The following ARHGAP42 variants were observed in gnomAD, a reference collection of about 807,000 sequenced individuals.
ARHGAP42 encodes the protein Rho GTPase activating protein 42.
Under a neutral mutation model 125.0 loss-of-function variants are expected in ARHGAP42, and 63 were observed. That is an observed-to-expected ratio of 0.50 (90% confidence interval 0.41 to 0.62). ARHGAP42 has a LOEUF of 0.62. ARHGAP42 is among the 20% of genes least tolerant of loss of function. The pLI is 0.00. For synonymous variants in ARHGAP42, 339 were observed against 351.0 expected (o/e 0.97, Z 0.38); for missense variants, 766 against 1,024.2 (o/e 0.75, Z 3.44).
chr11:100,742,071 C>T (rs889018422), intron 1 of ARHGAP42, among the ~76,000 whole-genome samples: 24 of 152,196 alleles, frequency 1.6e-4, no homozygotes, highest in Admixed American at 7.2e-4. Context: ...AAACTAGTTT[C>T]TACTCATGTT....
chr11:100,898,088 A>G (rs377174574), intron 4 of ARHGAP42, among the ~76,000 whole-genome samples: 3 of 152,170 alleles, frequency 2.0e-5, no homozygotes, highest in African/African-American at 4.8e-5. Flanking sequence ...TTCTGCATCT[A>G]TGGAGATAAT....
At chr11:100,904,350 G>A (rs1289090738) in intron 4 of ARHGAP42, among the ~76,000 whole-genome samples, 4 of 151,220 alleles carry the variant, frequency 2.6e-5, no homozygotes, top group East Asian at 3.9e-4. Flanking sequence ...AGATTCAAGC[G>A]ATTCTCCTGT....
chr11:100,901,017 C>G (rs1866530984), intron 4 of ARHGAP42, among the ~76,000 whole-genome samples: 1 of 152,172 alleles, frequency 6.6e-6, no homozygotes, highest in African/African-American at 2.4e-5. Flanking sequence ...TTTTCCCCAT[C>G]TCTGTGGTTT....
At chr11:100,707,259 A>G (rs1190764080) in intron 1 of ARHGAP42, among the ~76,000 whole-genome samples, 1 of 152,176 alleles carries the variant, frequency 6.6e-6, no homozygotes, top group Non-Finnish European at 1.5e-5. Flanking sequence ...TCTCTTGGGT[A>G]TATACCTAGG....
chr11:100,791,322 G>T (rs1395655802), intron 2 of ARHGAP42, among the ~76,000 whole-genome samples: 1 of 152,150 alleles, frequency 6.6e-6, no homozygotes, highest in Admixed American at 6.6e-5. Flanking sequence ...CTCTTAAAAT[G>T]CAATTTACAT....
intron 4 of ARHGAP42, among the ~76,000 whole-genome samples, chr11:100,892,520 T>G (rs187454082): frequency 6.6e-6 from 1 of 152,272 alleles, no homozygotes; most frequent in African/African-American, 2.4e-5. Context: ...GGGTTAGGTC[T>G]GTGTTTAGAG....
At chr11:100,698,445 TGGGCCACA>T in intron 1 of ARHGAP42, among the ~76,000 whole-genome samples, 1 of 152,292 alleles carries the variant, frequency 6.6e-6, no homozygotes, top group South Asian at 2.1e-4. Context: ...TACTCCAGCC[TGGGCCACA>T]GAGCGAGACC....
At chr11:100,882,252 G>A (rs185669221) in intron 4 of ARHGAP42, among the ~76,000 whole-genome samples, 3 of 152,236 alleles carry the variant, frequency 2.0e-5, no homozygotes, top group East Asian at 3.9e-4. Flanking sequence ...CTTTTATTAC[G>A]TTGAGCTATG....
intron 1 of ARHGAP42, among the ~76,000 whole-genome samples, chr11:100,691,411 A>G (rs1656911471): frequency 6.6e-6 from 1 of 152,170 alleles, no homozygotes; most frequent in Admixed American, 6.5e-5. Flanking sequence ...TCAAAGAGTC[A>G]TCTTTAAGTA....
intron 10 of ARHGAP42, among the ~76,000 whole-genome samples, chr11:100,944,643 G>A (rs2135276503): frequency 6.6e-6 from 1 of 151,820 alleles, no homozygotes; most frequent in Admixed American, 6.6e-5. Context: ...AATAAACTGA[G>A]TCACAGAAAT....
At chr11:100,818,679 G>T (rs895916524) in intron 3 of ARHGAP42, among the ~76,000 whole-genome samples, 4 of 152,046 alleles carry the variant, frequency 2.6e-5, no homozygotes, top group African/African-American at 9.7e-5. Context: ...ATCAGAGCTT[G>T]TTTGTAAACA....
chr11:100,872,737 TCTC>T (rs1591257048), intron 4 of ARHGAP42, among the ~76,000 whole-genome samples: 1 of 152,140 alleles, frequency 6.6e-6, no homozygotes, highest in Admixed American at 6.5e-5. Flanking sequence ...TCTACCTCAT[TCTC>T]CTTTCCCAGT....
intron 8 of ARHGAP42, among the ~76,000 whole-genome samples, chr11:100,939,088 G>C (rs1211037690): frequency 6.6e-6 from 1 of 152,158 alleles, no homozygotes; most frequent in Non-Finnish European, 1.5e-5. Context: ...CTCTACCTGA[G>C]CATGTGGTGT....
At chr11:100,728,668 G>A (rs1226640555) in intron 1 of ARHGAP42, among the ~76,000 whole-genome samples, 9 of 140,382 alleles carry the variant, frequency 6.4e-5, no homozygotes, top group Non-Finnish European at 1.4e-4. Flanking sequence ...GTTCACGATG[G>A]ATCTAAATAA....
At chr11:100,893,064 A>G (rs1866259968) in intron 4 of ARHGAP42, among the ~76,000 whole-genome samples, 1 of 152,034 alleles carries the variant, frequency 6.6e-6, no homozygotes, top group African/African-American at 2.4e-5. Context: ...ATTCATCAGA[A>G]TGTCAGAAGT....
chr11:100,946,398 G>T (rs1868018585), intron 10 of ARHGAP42, among the ~76,000 whole-genome samples: 1 of 151,994 alleles, frequency 6.6e-6, no homozygotes, highest in South Asian at 2.1e-4. Flanking sequence ...TCACAGCTTG[G>T]CTAACTGATT....
At chr11:100,785,009 A>G (rs953851835) in intron 2 of ARHGAP42, among the ~76,000 whole-genome samples, 5 of 152,126 alleles carry the variant, frequency 3.3e-5, no homozygotes, top group Admixed American at 2.6e-4. Context: ...TCCACAGCCC[A>G]TGTTTTTCTG....
chr11:100,896,881 T>G (rs1866379023), intron 4 of ARHGAP42, among the ~76,000 whole-genome samples: 1 of 152,228 alleles, frequency 6.6e-6, no homozygotes, highest in Non-Finnish European at 1.5e-5. Flanking sequence ...TTGTTGCCAT[T>G]GCTTTTGGTG....
chr11:100,895,957 A>C (rs1866346971), intron 4 of ARHGAP42, among the ~76,000 whole-genome samples: 1 of 152,082 alleles, frequency 6.6e-6, no homozygotes, highest in South Asian at 2.1e-4. Flanking sequence ...CGTCATTTAC[A>C]TTAGGTATTT....
Sources: allele counts gnomAD v4.1 joint callset (sites outside exome capture counted in the v4.1 genomes callset), GRCh38; gene constraint gnomAD v4.1.1; transcripts MANE v1.5; gene names NCBI Gene and HGNC (gene_info 2026-07-23, HGNC 2026-07-21).